DNAH1: variants seen among roughly 807,000 people sequenced by gnomAD.
The protein encoded by DNAH1 is axonemal beta dynein heavy chain 1.
Under a neutral mutation model 484.3 loss-of-function variants are expected in DNAH1, and 327 were observed. The observed-to-expected ratio is 0.68, with a 90% confidence interval of 0.62 to 0.74. The LOEUF (loss-of-function observed/expected upper bound fraction) is 0.74, where lower values mean the gene tolerates loss of function less well. DNAH1 is among the 30% of genes least tolerant of loss of function. The probability of loss-of-function intolerance (pLI) is 0.00; values close to 1 mark genes in which losing one functional copy is unlikely to be tolerated. For missense variants in DNAH1, 5,052 were observed against 5,546.8 expected (o/e 0.91, Z 2.83); for synonymous variants, 2,192 against 2,191.9 (o/e 1.00, Z 0.00).
At chr3:52,341,053 G>A (rs1055700011) in intron 8 of DNAH1, among the ~76,000 whole-genome samples, 2 of 151,988 alleles carry the variant, frequency 1.3e-5, no homozygotes, top group African/African-American at 4.8e-5. Flanking sequence ...TACCTTGGCT[G>A]TCCAGAAGTC....
intron 35 of DNAH1, 84 bp from the exon 36 acceptor site, chr3:52,366,649 A>G: frequency 2.6e-6 from 4 of 1,556,920 alleles, no homozygotes; most frequent in Non-Finnish European, 3.5e-6. Flanking sequence ...CTTGGCATAG[A>G]ATACCCCTCC....
In DNAH1 at chr3:52,368,743, C is replaced by T. The variant is rs756707351; in HGVS notation, c.5768C>T (p.Thr1923Ile). 3.7e-6 allele frequency: 6 copies of T among 1,612,988 alleles called. No individual in the cohort carries two copies. In the South Asian group the frequency reaches 6.6e-5, roughly 18 times the overall value. ...GEFDLLTHEW[T>I]DGIFSSFIRA... ...CCCTCTCCTCCCTGGCGCTGCAGGA[C>T]AGACGGGATATTCTCCTCGTTCATC... The change falls in exon 37 of 78, where the codon ACA becomes ATA. Residue 1923 changes from threonine to isoleucine, a missense_variant and splice_region_variant. Physicochemically the swap from Thr to Ile is moderately conservative, Grantham distance 89. Transcript: ENST00000420323. The surrounding 1 kb of genome is among the most constrained non-coding windows in gnomAD (Gnocchi z 4.4).
At chr3:52,366,366 G>C in intron 34 of DNAH1, 91 bp from the exon 35 acceptor site, 1 of 982,416 alleles carries the variant, frequency 1.0e-6, no homozygotes, top group Middle Eastern at 2.5e-4. Flanking sequence ...CTCAGGGAGT[G>C]CAGTGACTCA....
At chr3:52,378,896 A>G (rs971274790) in intron 47 of DNAH1, 116 bp downstream of exon 47, 5 of 1,369,452 alleles carry the variant, frequency 3.7e-6, no homozygotes, top group Non-Finnish European at 4.0e-6. Flanking sequence ...TTCCTGGAAC[A>G]TGGAGGTGCC....
Position 52,361,806 on chromosome 3 carries a change from A to G in DNAH1, c.4980+40A>G. On this transcript the variant is annotated intron_variant, in intron 30 of 77. Transcript: ENST00000420323. This position sits in a 1 kb window ranked among gnomAD's most constrained non-coding sequence, Gnocchi z 5.6. ...CCCACCTTACTCCCTCAGATCTGCC[A>G]TACTCACGCCGCCATACTGCTCCCC... The G allele has an allele frequency of 1.3e-6, 2 of 1,553,230 alleles. No homozygotes were observed. Among genetic ancestry groups the G allele is most frequent in the Non-Finnish European group, 1.7e-6 (2 of 1,146,496 alleles).
rs778889210 is a variant in DNAH1, at chr3:52,356,798, G to C, written c.3858+20G>C. 5.7e-6 allele frequency: 9 copies of C among 1,582,234 alleles called. No individual in the cohort carries two copies. The highest frequency in any genetic ancestry group is 7.7e-6 in the Non-Finnish European group (9 of 1,163,794). On this transcript the variant is annotated intron_variant, in intron 22 of 77. Coordinates refer to ENST00000420323, the MANE Select transcript of DNAH1 (RefSeq NM_015512.5). ...CGGGAGGCAAGCTCAATGAGGGTGG[G>C]AGGGGCAGCTGGGATCCCCAAGGGC...
intron 52 of DNAH1, 26 bp from the exon 53 acceptor site, chr3:52,384,760 C>T (rs757735346): frequency 1.0e-5 from 16 of 1,564,122 alleles, no homozygotes; most frequent in South Asian, 2.4e-5. Flanking sequence ...TCTACCAGGC[C>T]GGCATCCATG....
chr3:52,364,570 A>C lies in DNAH1; in HGVS notation c.5245-68A>C. 3 of 1,568,782 alleles carry C rather than the reference A, an allele frequency of 1.9e-6. No homozygotes were observed. The African/African-American group carries it at 4.1e-5, about 21-fold the overall frequency. On this transcript the variant is annotated intron_variant, in intron 32 of 77. Coordinates refer to ENST00000420323, the MANE Select transcript of DNAH1 (RefSeq NM_015512.5). This position sits in a 1 kb window ranked among gnomAD's most constrained non-coding sequence, Gnocchi z 4.2. The stretch of plus-strand genomic sequence containing the variant: ...CTTGGCCAACTGCCAGGTGGGAGGC[A>C]GAGTGTTCCAGGCAGAAGCCTTGGA...
At chr3:52,313,290 C>G (rs981682119), upstream of DNAH1, among the ~76,000 whole-genome samples, 3 of 152,194 alleles carry the variant, frequency 2.0e-5, no homozygotes, top group African/African-American at 7.2e-5. Context: ...GTAGGCCTGC[C>G]TGCCAGCTCC....
In DNAH1 at chr3:52,397,818, G is replaced by A. The variant is rs1197058287; in HGVS notation, c.11899G>A (p.Gly3967Ser). Reference sequence around the variant, plus strand: ...CCAGAACGAGACGTTCGCCCTCCTGGGCACCATCATCCAGCTGCAACCCAA... The same window carrying A: ...CCAGAACGAGACGTTCGCCCTCCTGAGCACCATCATCCAGCTGCAACCCAA... ...FAQNETFALL[G>S]TIIQLQPKSS... Residue 3967 changes from glycine (G) to serine (S), a missense_variant, in exon 74 of 78, where the codon GGC becomes AGC. Gly to Ser is a moderately conservative substitution (Grantham distance 56, BLOSUM62 0). Around this residue, in one of 4 missense-constraint regions of DNAH1, gnomAD observed 853 missense variants for 899.0 expected, o/e 0.95. Transcript: ENST00000420323. 6.2e-7 allele frequency: 1 copy of A among 1,613,254 alleles called. No individual in the cohort carries two copies. The highest frequency in any genetic ancestry group is 8.5e-7 in the Non-Finnish European group (1 of 1,179,544).
At chr3:52,346,915 C>T in intron 11 of DNAH1, 145 bp downstream of exon 11, 1 of 870,630 alleles carries the variant, frequency 1.1e-6, no homozygotes, top group Admixed American at 2.8e-5. Flanking sequence ...CTGCAGGCTG[C>T]TGGGCAATGT....
At position 52,358,009 on chromosome 3, in the gene DNAH1, C is replaced by T. The variant is rs1364330331; in HGVS notation, c.4086+6C>T. Reference sequence around the variant, plus strand: ...GCTTCGAGAACATCGCTCGGGTGGGCAGCTGGGCCCGGGGCTCAGGGCTGG... The same window carrying T: ...GCTTCGAGAACATCGCTCGGGTGGGTAGCTGGGCCCGGGGCTCAGGGCTGG... On this transcript the variant is annotated splice_donor_region_variant and intron_variant, in intron 24 of 77. Coordinates refer to ENST00000420323, the MANE Select transcript of DNAH1 (RefSeq NM_015512.5). This position sits in a 1 kb window ranked among gnomAD's most constrained non-coding sequence, Gnocchi z 4.2. 4 of 1,594,832 alleles carry T rather than the reference C, an allele frequency of 2.5e-6. No individual in the cohort carries two copies. The highest frequency in any genetic ancestry group is 2.6e-6 in the Non-Finnish European group (3 of 1,167,814).
chr3:52,324,579 C>A (rs1701267148), intron 3 of DNAH1, among the ~76,000 whole-genome samples: 1 of 152,136 alleles, frequency 6.6e-6, no homozygotes, highest in Admixed American at 6.5e-5. Flanking sequence ...CTCCCCACCC[C>A]CAGGAAAGAC....
intron 57 of DNAH1, 39 bp downstream of exon 57, chr3:52,388,373 C>T: frequency 1.9e-6 from 3 of 1,600,136 alleles, no homozygotes; most frequent in South Asian, 1.1e-5. Context: ...GGGCTCCCCT[C>T]CCGGGGGTAC....
At chr3:52,373,525 C>T (rs949860699) in intron 44 of DNAH1, 6 of 1,461,898 alleles carry the variant, frequency 4.1e-6, no homozygotes, top group South Asian at 1.2e-5. Context: ...GTTGCTGTCC[C>T]GTCTACAGTG....
chr3:52,370,342 G>T, intron 39 of DNAH1, 113 bp downstream of exon 39: 1 of 1,542,610 alleles, frequency 6.5e-7, no homozygotes, highest in Non-Finnish European at 8.8e-7. Flanking sequence ...GTGCAACATG[G>T]ACAAGACCAC....
chr3:52,328,087 C>T, intron 6 of DNAH1, 73 bp downstream of exon 6: 1 of 1,570,236 alleles, frequency 6.4e-7, no homozygotes, highest in Non-Finnish European at 8.7e-7. Flanking sequence ...TCCTGGGCTC[C>T]CCTGGGACCT....
Position 52,359,869 on chromosome 3 carries a change from C to T in DNAH1, c.4408-47C>T, listed in dbSNP as rs772065051. ...ACCCTCTGTGAAAGGGGAGGGTGAG[C>T]CTCCTCGTGGTACCCTGATGTTTGA... On this transcript the variant is annotated intron_variant, in intron 26 of 77. Coordinates refer to ENST00000420323, the MANE Select transcript of DNAH1 (RefSeq NM_015512.5). 61 of 1,605,532 alleles carry T rather than the reference C, an allele frequency of 3.8e-5. No homozygotes were observed. In the Admixed American group the frequency reaches 1.0e-3, roughly 26 times the overall value.
chr3:52,400,022 A>G (rs1704838728), intron 77 of DNAH1, among the ~76,000 whole-genome samples: 1 of 152,232 alleles, frequency 6.6e-6, no homozygotes. Flanking sequence ...AGAGCCTACA[A>G]GCCCCAGCCT....
Sources: gnomAD v4.1 joint callset for allele counts (sites outside exome capture counted in the v4.1 genomes callset) on GRCh38, gnomAD v4.1.1 for gene constraint, gnomAD v4.1.1 regional missense constraint, Gnocchi (gnomAD v3.1) non-coding constraint, MANE v1.5 for transcripts, NCBI Gene and HGNC (gene_info 2026-07-23, HGNC 2026-07-21) for gene names.